Variants in COL6A3 observed in about 807,000 individuals in gnomAD.
COL6A3 encodes the protein collagen type VI alpha 3 chain.
In COL6A3, 137 loss-of-function variants were observed where a neutral mutation model predicts 274.1. The ratio of observed to expected loss-of-function variants is 0.50; its 90% CI spans 0.44 to 0.58. The LOEUF (loss-of-function observed/expected upper bound fraction) is 0.58, where lower values mean the gene tolerates loss of function less well. COL6A3 is among the 20% of genes least tolerant of loss of function. The pLI is 0.00. For missense variants in COL6A3, 3,950 were observed against 4,124.9 expected (o/e 0.96, Z 1.16); for synonymous variants, 1,650 against 1,650.6 (o/e 1.00, Z 0.01).
intron 1 of COL6A3, among the ~76,000 whole-genome samples, chr2:237,403,008 G>T (rs1050064973): frequency 9.9e-5 from 15 of 152,196 alleles, no homozygotes; most frequent in African/African-American, 3.6e-4. Flanking sequence ...TCCGGCTGAT[G>T]AGTGATGTAA....
rs1358813646 is a variant in COL6A3, at chr2:237,409,541, G to T, written c.-31+4412C>A. On this transcript the variant is annotated intron_variant, in intron 1 of 43. Transcript: ENST00000295550. ...GGTTAGGTTTTTGTTTTTTTTGTTT[G>T]TTTGTTTGTTTGTTTGTTTTGCTCT... Among the ~76,000 whole-genome samples, 28 of 151,992 alleles carry T rather than the reference G, an allele frequency of 1.8e-4. 1 individual carries two copies. Among genetic ancestry groups the T allele is most frequent in the African/African-American group, 6.0e-4 (25 of 41,454 alleles).
At chr2:237,357,277 G>T in intron 23 of COL6A3, 61 bp downstream of exon 23, 1 of 1,424,078 alleles carries the variant, frequency 7.0e-7, no homozygotes, top group Non-Finnish European at 9.9e-7. Flanking sequence ...AGGTCATGTT[G>T]GGCAGATCTT....
At chr2:237,352,710 A>T in intron 25 of COL6A3, 126 bp from the exon 26 acceptor site, 1 of 818,530 alleles carries the variant, frequency 1.2e-6, no homozygotes, top group Non-Finnish European at 2.1e-6. Flanking sequence ...GGCCACCAAA[A>T]CCCACAATTA....
intron 39 of COL6A3, among the ~76,000 whole-genome samples, chr2:237,337,465 G>T (rs1700607717): frequency 6.6e-6 from 1 of 152,174 alleles, no homozygotes; most frequent in African/African-American, 2.4e-5. Context: ...CTCCTTCTGA[G>T]GTCAAAAGAA....
intron 26 of COL6A3, among the ~76,000 whole-genome samples, 166 bp downstream of exon 26, chr2:237,352,356 G>A (rs2077224841): frequency 6.6e-6 from 1 of 152,196 alleles, no homozygotes; most frequent in African/African-American, 2.4e-5. Context: ...GGGTGAAGTA[G>A]CCAGTCACTG....
intron 11 of COL6A3, 100 bp downstream of exon 11, chr2:237,366,587 A>C: frequency 1.3e-6 from 2 of 1,582,758 alleles, no homozygotes; most frequent in Non-Finnish European, 1.7e-6. Context: ...AAGCAACCAA[A>C]TGCCTAAGGA....
chr2:237,347,110 T>C (rs2077112596), intron 31 of COL6A3, among the ~76,000 whole-genome samples: 1 of 151,984 alleles, frequency 6.6e-6, no homozygotes, highest in Non-Finnish European at 1.5e-5. Flanking sequence ...TGAGTAAACA[T>C]CCATTGAAGA....
chr2:237,353,630 C>G (rs1348129663), intron 24 of COL6A3, among the ~76,000 whole-genome samples: 1 of 152,196 alleles, frequency 6.6e-6, no homozygotes, highest in Non-Finnish European at 1.5e-5. Context: ...TGCCTCACCT[C>G]TCCTCGGACA....
chr2:237,378,102 C>T (rs946555603), intron 6 of COL6A3, among the ~76,000 whole-genome samples: 1 of 152,144 alleles, frequency 6.6e-6, no homozygotes, highest in Non-Finnish European at 1.5e-5. Flanking sequence ...CATATCTTAC[C>T]ACCATAATAA....
rs764047708 is a variant in COL6A3 at position 237,394,670 on chromosome 2, A to T, written c.626T>A (p.Ile209Lys). 1 of 1,614,198 alleles carries T rather than the reference A, an allele frequency of 6.2e-7. No homozygotes were observed. The highest frequency in any genetic ancestry group is 1.6e-4 in the Middle Eastern group (1 of 6,062). ...NLENFTSLHD[I>K]VGNLVSCVHS... ...CACACAGGACACTAAGTTTCCTACT[A>T]TGTCATGAAGTGAGGTAAAATTCTC... The change falls in exon 3 of 44, where the codon ATA becomes AAA. Residue 209 changes from isoleucine to lysine, a missense_variant. Physicochemically the swap from Ile to Lys is moderately radical, Grantham distance 102. Transcript: ENST00000295550.
intron 42 of COL6A3, among the ~76,000 whole-genome samples, chr2:237,330,924 G>A (rs1040087832): frequency 2.0e-5 from 3 of 152,154 alleles, no homozygotes; most frequent in Non-Finnish European, 2.9e-5. Context: ...AGGTCACCAG[G>A]TTCCCAGAAT....
At chr2:237,345,923 C>G (rs1347735592) in intron 32 of COL6A3, among the ~76,000 whole-genome samples, 1 of 152,166 alleles carries the variant, frequency 6.6e-6, no homozygotes, top group African/African-American at 2.4e-5. Flanking sequence ...CCTGAATTAT[C>G]TTTTCCATTA....
chr2:237,395,030 G>C lies in COL6A3; in HGVS notation c.266C>G (p.Thr89Ser). The C allele has an allele frequency of 6.2e-7, 1 of 1,614,152 alleles. No individual in the cohort carries two copies. Among genetic ancestry groups the C allele is most frequent in the Admixed American group, 1.7e-5 (1 of 60,028 alleles). Residue 89 changes from threonine (T) to serine (S), a missense_variant, in exon 3 of 44, where the codon ACC (threonine) becomes AGC (serine). Physicochemically the swap from Thr to Ser is moderately conservative, Grantham distance 58 (BLOSUM62 1). Transcript: ENST00000295550. ...ACGATACGTATTTAACAGGAACTCGGTATGTGGGTTTCCGTTGAACTGGAC... is the reference window on the plus strand; with the variant it reads ...ACGATACGTATTTAACAGGAACTCGCTATGTGGGTTTCCGTTGAACTGGAC... ...ALVQFNGNPH[T>S]EFLLNTYRTK...
In COL6A3 at chr2:237,374,271, G is replaced by T; in HGVS notation, c.3679+141C>A. ...CCATCGAGGCCAAAAAGGGCATGTG[G>T]GTTCCTAAATTTTCCTGTAATTTTA... is the stretch of plus-strand genomic sequence containing the variant. On this transcript the variant is annotated intron_variant, in intron 8 of 43. Transcript: ENST00000295550. The surrounding 1 kb of genome is among the most constrained non-coding windows in gnomAD (Gnocchi z 4.8). 8.4e-7 allele frequency: 1 copy of T among 1,195,922 alleles called. No individual in the cohort carries two copies. The highest frequency in any genetic ancestry group is 1.2e-6 in the Non-Finnish European group (1 of 823,630). 74.1% of individuals were successfully genotyped at this position (1,195,922 alleles called of 1,614,324 possible). A position where few individuals can be genotyped will look rare whatever the true frequency, so the allele number is the denominator to read the frequency against.
chr2:237,339,135 A>G lies in COL6A3; in HGVS notation c.8465-18T>C, dbSNP rs1318549888. ...ATTTTCACCTAAAGAAAAAAAACAA[A>G]GAAAACAATTGAACCGCATGCTAAT... On this transcript the variant is annotated intron_variant, in intron 38 of 43. Coordinates refer to ENST00000295550, the MANE Select transcript of COL6A3 (RefSeq NM_004369.4). 8.9e-6 allele frequency: 14 copies of G among 1,569,616 alleles called. No homozygotes were observed. The highest frequency in any genetic ancestry group is 1.1e-5 in the Non-Finnish European group (13 of 1,139,606).
In COL6A3 at chr2:237,340,776, C is replaced by A. The variant is rs748491825; in HGVS notation, c.8140G>T (p.Ala2714Ser). 1.3e-5 allele frequency: 21 copies of A among 1,614,048 alleles called. No individual in the cohort carries two copies. The highest frequency in any genetic ancestry group is 1.7e-5 in the Non-Finnish European group (20 of 1,180,056). ...GTGTATTCAATGGCACTGCCTAAGG[C>A]CCTGGTTCCCTGCAACTGTGTCATT... The part of the protein sequence containing the change: ...RGMTQLQGTR[A>S]LGSAIEYTIE... The change falls in exon 38 of 44, where the codon GCC (alanine) becomes TCC (serine). Residue 2714 changes from alanine to serine, a missense_variant. Ala to Ser is a moderately conservative substitution (Grantham distance 99, BLOSUM62 1). Coordinates refer to ENST00000295550, the MANE Select transcript of COL6A3 (RefSeq NM_004369.4).
At chr2:237,353,167 CTG>C (rs1258202651) in intron 25 of COL6A3, among the ~76,000 whole-genome samples, 172 bp downstream of exon 25, 1 of 152,168 alleles carries the variant, frequency 6.6e-6, no homozygotes, top group Non-Finnish European at 1.5e-5. Context: ...TCCTTCGAGA[CTG>C]TGTTTTGAAC....
Position 237,353,611 on chromosome 2 carries a change from C to T in COL6A3, c.6628-208G>A, listed in dbSNP as rs2645764. Reference sequence around the variant, plus strand: ...GTCTCCCTGCACTTCTACAATTGTTCCTCACTCTTGCCTCACCTCTCCTCG... The same window carrying T: ...GTCTCCCTGCACTTCTACAATTGTTTCTCACTCTTGCCTCACCTCTCCTCG... On this transcript the variant is annotated intron_variant, in intron 24 of 43. Transcript: ENST00000295550. Among the ~76,000 whole-genome samples, 17,207 of 152,208 alleles carry T rather than the reference C, an allele frequency of 0.11. 999 individuals are homozygous for T. The highest frequency in any genetic ancestry group is 0.19 in the Middle Eastern group (56 of 294).
rs143755768 is a variant in COL6A3 at position 237,380,756 on chromosome 2, C to A, written c.1897+159G>T. Among the ~76,000 whole-genome samples, 561 of 152,312 alleles carry A rather than the reference C, an allele frequency of 3.7e-3. 5 individuals are homozygous for A. Among genetic ancestry groups the A allele is most frequent in the African/African-American group, 0.013 (529 of 41,578 alleles). ...CATTGTAAACCATACAATCCTGAAC[C>A]CAGTGCAAAAGGAAACCTGGAATAA... On this transcript the variant is annotated intron_variant, in intron 5 of 43. Transcript: ENST00000295550.
Sources: allele counts gnomAD v4.1 joint callset (sites outside exome capture counted in the v4.1 genomes callset), GRCh38; gene constraint gnomAD v4.1.1; non-coding constraint Gnocchi (gnomAD v3.1); transcripts MANE v1.5; gene names NCBI Gene and HGNC (gene_info 2026-07-23, HGNC 2026-07-21).